DGKK: variants seen among roughly 807,000 people sequenced by gnomAD.
DGKK encodes the protein 142 kDa diacylglycerol kinase.
In DGKK, 35 loss-of-function variants were observed where a neutral mutation model predicts 92.2. The observed-to-expected ratio is 0.38, with a 90% CI of 0.29 to 0.50. DGKK has a LOEUF of 0.50. Among genes scored for constraint, DGKK ranks in the 20% least tolerant of loss-of-function variants. The probability of loss-of-function intolerance (pLI) is 0.92; values close to 1 mark genes in which losing one functional copy is unlikely to be tolerated. For synonymous variants in DGKK, 368 were observed against 360.6 expected (o/e 1.02, Z -0.23); for missense variants, 910 against 992.2 (o/e 0.92, Z 1.11).
chrX:50,403,232 A>C, intron 6 of DGKK, 49 bp from the exon 7 acceptor site: 1 of 1,143,970 alleles, frequency 8.7e-7, no homozygotes, highest in Non-Finnish European at 1.2e-6. Context: ...AGACATAAGG[A>C]GAGGAAGGGC....
At chrX:50,402,891 A>C (rs1029579268) in intron 7 of DGKK, among the ~76,000 whole-genome samples, 170 bp downstream of exon 7, 12 of 111,721 alleles carry the variant, frequency 1.1e-4, no homozygotes, top group African/African-American at 3.9e-4. Flanking sequence ...AAGGCTCCAT[A>C]GTCAGATCTG....
chrX:50,380,199 A>T (rs1924381912), intron 18 of DGKK, 122 bp from the exon 19 acceptor site: 2 of 551,093 alleles, frequency 3.6e-6, no homozygotes, highest in South Asian at 6.2e-5. Context: ...GAGTCATGCT[A>T]AATGGCAACT....
intron 1 of DGKK, among the ~76,000 whole-genome samples, chrX:50,456,542 C>T (rs184782612): frequency 2.2e-4 from 25 of 112,183 alleles, no homozygotes; most frequent in African/African-American, 6.8e-4. Context: ...TTTCAACCTG[C>T]TCTCCATATA....
intron 1 of DGKK, 115 bp from the exon 2 acceptor site, chrX:50,424,473 A>G: frequency 1.6e-6 from 1 of 640,975 alleles, no homozygotes; most frequent in Non-Finnish European, 2.4e-6. Context: ...CACATATCTG[A>G]GAAATGGCCT....
At chrX:50,436,368 C>T (rs1557230771) in intron 1 of DGKK, among the ~76,000 whole-genome samples, 1 of 111,910 alleles carries the variant, frequency 8.9e-6, no homozygotes, top group Non-Finnish European at 1.9e-5. Flanking sequence ...AGTAGTTTCC[C>T]TAATGCGTTA....
intron 1 of DGKK, among the ~76,000 whole-genome samples, chrX:50,429,521 T>C (rs111295716): frequency 8.9e-4 from 99 of 110,716 alleles, no homozygotes; most frequent in Non-Finnish European, 1.6e-3. Flanking sequence ...CCGTCTCTAC[T>C]AAAAATACAA....
intron 1 of DGKK, among the ~76,000 whole-genome samples, chrX:50,445,121 CTTTTTTT>C (rs57163220): frequency 1.8e-4 from 12 of 67,489 alleles, no homozygotes; most frequent in Non-Finnish European, 2.7e-4. Context: ...CCTTTGCCCA[CTTTTTTT>C]TTTTTTTTTT....
Position 50,390,837 on chromosome X carries a change from T to C in DGKK, c.1845-428A>G, listed in dbSNP as rs932262530. Among the ~76,000 whole-genome samples, 9 of 112,109 alleles carry C rather than the reference T, an allele frequency of 8.0e-5. No individual in the cohort carries two copies. In the Admixed American group the frequency reaches 8.5e-4, roughly 11 times the overall value. On this transcript the variant is annotated intron_variant, in intron 11 of 27. Coordinates refer to ENST00000611977, the MANE Select transcript of DGKK (RefSeq NM_001013742.4). ...TCAAATGCTCCTATATACACCAGCA[T>C]AGAAAGTCTTTTTTTCCTCAGGAGA...
chrX:50,376,146 T>C lies in DGKK; in HGVS notation c.3292A>G (p.Ile1098Val). Reference protein sequence around the residue: ...LISKLNDLSKIHQHVSVLMGS... With the variant: ...LISKLNDLSKVHQHVSVLMGS... Reference sequence around the variant, plus strand: ...ATGAGGACAGACACATGCTGGTGGATCTTGCTCAGGTCATTAAGTCTGTAA... The same window carrying C: ...ATGAGGACAGACACATGCTGGTGGACCTTGCTCAGGTCATTAAGTCTGTAA... The change falls in exon 24 of 28, where the codon ATC becomes GTC. Residue 1098 changes from isoleucine (I) to valine (V), a missense_variant. Ile to Val is a conservative substitution (Grantham distance 29). Transcript: ENST00000611977. The C allele has an allele frequency of 8.3e-7, 1 of 1,210,933 alleles. No homozygotes were observed. Among genetic ancestry groups the C allele is most frequent in the South Asian group, 1.8e-5 (1 of 56,725 alleles).
chrX:50,399,238 C>CTGTG (rs5902471), intron 8 of DGKK, among the ~76,000 whole-genome samples: 49 of 106,314 alleles, frequency 4.6e-4, no homozygotes, highest in African/African-American at 1.6e-3. Context: ...TCTAGAGTGG[C>CTGTG]TGTGTGTGTG....
In DGKK at chrX:50,365,691, A is replaced by G. The variant is rs1923957441; in HGVS notation, c.*3249T>C. 1 of 111,511 alleles carries G rather than the reference A, an allele frequency of 9.0e-6. No individual in the cohort carries two copies. Among genetic ancestry groups the G allele is most frequent in the Non-Finnish European group, 1.9e-5 (1 of 53,119 alleles). 9.2% of individuals were successfully genotyped at this position (111,511 alleles called of 1,213,427 possible). On this transcript the variant is annotated 3_prime_UTR_variant, in exon 28 of 28. Coordinates refer to ENST00000611977, the MANE Select transcript of DGKK (RefSeq NM_001013742.4). ...AGACAAATGCAATTCCACAAATCAT[A>G]TAGCCAAGCAAGGTCTCATATAGGA... is the stretch of plus-strand genomic sequence containing the variant.
chrX:50,402,706 G>T (rs1925040833), intron 7 of DGKK, among the ~76,000 whole-genome samples: 1 of 111,470 alleles, frequency 9.0e-6, no homozygotes, highest in Admixed American at 9.5e-5. Flanking sequence ...ATTAATAAAG[G>T]TTACAAGTTC....
rs1281871019 is a variant in DGKK at position 50,384,868 on chromosome X, G to A, written c.2348-44C>T. 7.1e-6 allele frequency: 7 copies of A among 992,644 alleles called. No homozygotes were observed. In the Admixed American group the frequency reaches 1.2e-4, roughly 16 times the overall value. The allele number at this position is 992,644 out of a possible 1,213,427, so 81.8% of individuals were successfully genotyped here. A position where few individuals can be genotyped will look rare whatever the true frequency, so the allele number is the denominator to read the frequency against. The stretch of plus-strand genomic sequence containing the variant: ...GGAAGGAAAGCAAAAAAGAAAGGAG[G>A]AAGGGAGGGAGGAAGAAAGGAGGGA... On this transcript the variant is annotated intron_variant, in intron 15 of 27. Transcript: ENST00000611977.
chrX:50,464,343 T>G (rs1231302425), intron 1 of DGKK, among the ~76,000 whole-genome samples: 2 of 109,966 alleles, frequency 1.8e-5, no homozygotes, highest in Non-Finnish European at 3.8e-5. Context: ...TCTTTAGTCA[T>G]GGAGGAGTGG....
In DGKK at chrX:50,368,981, C is replaced by T. The variant is rs1557222793; in HGVS notation, c.3775G>A (p.Glu1259Lys). The part of the protein sequence containing the change: ...WHRRHREDEA[E>K]GDDPLTPSRS... ...GATGGTGTTAGAGGATCATCACCCT[C>T]TGCTTCATCTTCACGATGTCTGCGG... Residue 1259 changes from glutamate to lysine, a missense_variant, in exon 28 of 28, where the codon GAG becomes AAG. Coordinates refer to ENST00000611977, the MANE Select transcript of DGKK (RefSeq NM_001013742.4). 1 of 1,210,090 alleles carries T rather than the reference C, an allele frequency of 8.3e-7. No homozygotes were observed. Among genetic ancestry groups the T allele is most frequent in the Non-Finnish European group, 1.1e-6 (1 of 894,853 alleles).
intron 9 of DGKK, 126 bp from the exon 10 acceptor site, chrX:50,392,575 C>T: frequency 2.0e-6 from 1 of 507,329 alleles, no homozygotes; most frequent in Non-Finnish European, 3.4e-6. Context: ...TGCCTTCTTT[C>T]CCTTAGCCCT....
chrX:50,404,378 T>C (rs782674480), intron 4 of DGKK, among the ~76,000 whole-genome samples, 194 bp from the exon 5 acceptor site: 1 of 109,711 alleles, frequency 9.1e-6, no homozygotes, highest in East Asian at 2.8e-4. Flanking sequence ...GTTTTGCCAG[T>C]CGTTTCAAAA....
rs1462717821 is a variant in DGKK, at chrX:50,391,725, G to C, written c.1705-149C>G. 3 of 642,715 alleles carry C rather than the reference G, an allele frequency of 4.7e-6. No individual in the cohort carries two copies. The East Asian group carries it at 1.1e-4, about 23-fold the overall frequency. 53.0% of individuals were successfully genotyped at this position (642,715 alleles called of 1,213,427 possible). On this transcript the variant is annotated intron_variant, in intron 10 of 27. Transcript: ENST00000611977. ...TCAGATTCTGGGGAAGGTAATGAGA[G>C]GATGTTTGCAATTGGGTGAAATTTT... is the stretch of plus-strand genomic sequence containing the variant.
intron 27 of DGKK, among the ~76,000 whole-genome samples, chrX:50,369,816 G>C (rs527755449): frequency 2.7e-5 from 3 of 111,377 alleles, no homozygotes; most frequent in Middle Eastern, 9.2e-3. Flanking sequence ...TGCCTGCCTC[G>C]GCCTTCCAAA....
Sources: gnomAD v4.1 joint callset for allele counts (sites outside exome capture counted in the v4.1 genomes callset) on GRCh38, gnomAD v4.1.1 for gene constraint, MANE v1.5 for transcripts, NCBI Gene and HGNC (gene_info 2026-07-23, HGNC 2026-07-21) for gene names.